The following PRDM5 variants were observed in gnomAD, a reference collection of about 807,000 sequenced individuals.
The protein encoded by PRDM5 is PR/SET domain 5.
A neutral mutation model predicts 81.2 loss-of-function variants in PRDM5; 56 were observed. The ratio of observed to expected loss-of-function variants is 0.69; its 90% confidence interval spans 0.56 to 0.86. The LOEUF is 0.86. Among genes scored for constraint, PRDM5 ranks in the 40% least tolerant of loss-of-function variants. PRDM5 has a pLI of 0.00. For missense variants in PRDM5, 697 were observed against 770.1 expected (o/e 0.91, Z 1.12); for synonymous variants, 267 against 256.4 (o/e 1.04, Z -0.39).
At chr4:120,838,183 T>C (rs343176) in intron 3 of PRDM5, 118,327 of 152,178 alleles carry the variant, frequency 0.78, 46,221 homozygotes, top group East Asian at 0.87. Context: ...CTGTACCTTC[T>C]TCATGCAGTA....
intron 1 of PRDM5, among the ~76,000 whole-genome samples, chr4:120,908,210 G>A (rs890106806): frequency 5.3e-5 from 8 of 152,254 alleles, no homozygotes; most frequent in African/African-American, 1.4e-4. Flanking sequence ...CTACCCTGAC[G>A]GGACTTTTAA....
intron 1 of PRDM5, among the ~76,000 whole-genome samples, chr4:120,911,238 T>C (rs1229632317): frequency 5.3e-5 from 8 of 152,206 alleles, no homozygotes; most frequent in East Asian, 1.9e-4. Flanking sequence ...TTGCCAGATA[T>C]ATACATGATT....
chr4:120,769,450 G>C (rs6842174), intron 13 of PRDM5, among the ~76,000 whole-genome samples: 95,703 of 151,912 alleles, frequency 0.63, 30,735 homozygotes, highest in East Asian at 0.73. Flanking sequence ...GGAGAAAAGC[G>C]AAAGAAGGCC....
rs1252635435 is a variant in PRDM5, at chr4:120,697,957, AT to A, written c.1729-2683del. Among the ~76,000 whole-genome samples, 19 of 64,214 alleles carry A rather than the reference AT, an allele frequency of 3.0e-4. No individual in the cohort carries two copies. In the East Asian group the frequency reaches 4.1e-3, roughly 14 times the overall value. 42.1% of individuals were successfully genotyped at this position (64,214 alleles called of 152,430 possible). Reference sequence around the variant, plus strand: ...CTGTATTAATAAGTATACAAATAAAATAAAATAAAAAAAAAGAAAATGTCAA... The same window carrying A: ...CTGTATTAATAAGTATACAAATAAAAAAAATAAAAAAAAAGAAAATGTCAA... On this transcript the variant is annotated intron_variant, in intron 15 of 15. Transcript: ENST00000264808.
rs185354490 is a variant in PRDM5 at position 120,776,226 on chromosome 4, A to G, written c.1537+962T>C. Among the ~76,000 whole-genome samples the G allele has an allele frequency of 3.1e-3, 479 of 152,162 alleles. 2 individuals carry two copies. The highest frequency in any genetic ancestry group is 0.011 in the African/African-American group (456 of 41,554). On this transcript the variant is annotated intron_variant, in intron 13 of 15. Coordinates refer to ENST00000264808, the MANE Select transcript of PRDM5 (RefSeq NM_018699.4). ...AAAGTATTTAAGTACCTATTCTAAGATAACAAATACTAAGCTGACCATATG... is the reference window on the plus strand; with the variant it reads ...AAAGTATTTAAGTACCTATTCTAAGGTAACAAATACTAAGCTGACCATATG...
rs994097258 is a variant in PRDM5 at position 120,691,928 on chromosome 4, T to C, written c.*3183A>G. The stretch of plus-strand genomic sequence containing the variant: ...TAACACCAAGTCTGGTAGTGATTTA[T>C]ATATATTTATTATAGATTTATAATA... On this transcript the variant is annotated 3_prime_UTR_variant, in exon 16 of 16. Transcript: ENST00000264808. The C allele has an allele frequency of 2.6e-5, 4 of 151,936 alleles. No individual in the cohort carries two copies. Among genetic ancestry groups the C allele is most frequent in the African/African-American group, 4.8e-5 (2 of 41,436 alleles). The allele number at this position is 151,936 out of a possible 1,614,324, so 9.4% of individuals were successfully genotyped here.
At chr4:120,805,061 T>C (rs1036307471) in intron 8 of PRDM5, among the ~76,000 whole-genome samples, 1 of 152,120 alleles carries the variant, frequency 6.6e-6, no homozygotes, top group Non-Finnish European at 1.5e-5. Context: ...CATCAGATAA[T>C]ACTATCAACG....
intron 8 of PRDM5, among the ~76,000 whole-genome samples, chr4:120,802,796 G>T (rs1409893424): frequency 6.6e-6 from 1 of 152,194 alleles, no homozygotes; most frequent in Admixed American, 6.5e-5. Flanking sequence ...AAAAATCAGA[G>T]CGCTTCTCCC....
chr4:120,742,272 C>G (rs559806056), intron 14 of PRDM5, among the ~76,000 whole-genome samples: 1 of 152,292 alleles, frequency 6.6e-6, no homozygotes, highest in Admixed American at 6.5e-5. Flanking sequence ...ACCAAAAACC[C>G]ATCTGTACAT....
At chr4:120,914,659 A>G (rs1723896727) in intron 1 of PRDM5, among the ~76,000 whole-genome samples, 1 of 152,174 alleles carries the variant, frequency 6.6e-6, no homozygotes, top group African/African-American at 2.4e-5. Flanking sequence ...CAAGCAGAGG[A>G]AATGCTTTGT....
intron 10 of PRDM5, among the ~76,000 whole-genome samples, chr4:120,796,211 G>A (rs1039620337): frequency 6.6e-6 from 1 of 152,102 alleles, no homozygotes; most frequent in African/African-American, 2.4e-5. Flanking sequence ...AGAAAAGGTT[G>A]ATCTTCTGTT....
At chr4:120,911,127 A>G (rs532800219) in intron 1 of PRDM5, among the ~76,000 whole-genome samples, 6 of 152,320 alleles carry the variant, frequency 3.9e-5, no homozygotes, top group East Asian at 1.9e-4. Flanking sequence ...CATGTAAATG[A>G]TATTTTAGAG....
intron 1 of PRDM5, among the ~76,000 whole-genome samples, chr4:120,912,651 G>C (rs1766650178): frequency 6.6e-6 from 1 of 152,156 alleles, no homozygotes; most frequent in African/African-American, 2.4e-5. Flanking sequence ...GAAGACATTA[G>C]GAAATTACTG....
intron 2 of PRDM5, among the ~76,000 whole-genome samples, chr4:120,872,486 G>A (rs1033966926): frequency 3.3e-5 from 5 of 152,092 alleles, no homozygotes; most frequent in African/African-American, 9.7e-5. Context: ...ACTTATATGA[G>A]GCATCTAAAG....
intron 1 of PRDM5, among the ~76,000 whole-genome samples, chr4:120,913,189 T>C (rs1766717887): frequency 6.6e-6 from 1 of 152,234 alleles, no homozygotes; most frequent in Non-Finnish European, 1.5e-5. Context: ...TGTATGGAAC[T>C]ATCACACAAG....
At chr4:120,839,396 T>C in intron 3 of PRDM5, 1 of 668,728 alleles carries the variant, frequency 1.5e-6, no homozygotes, top group Non-Finnish European at 2.7e-6. Context: ...AGGCAGGGTA[T>C]ACCAATGAGC....
intron 2 of PRDM5, among the ~76,000 whole-genome samples, chr4:120,872,107 C>T (rs560481665): frequency 5.0e-5 from 7 of 140,590 alleles, no homozygotes; most frequent in South Asian, 4.6e-4. Flanking sequence ...GCTGAGATCA[C>T]GCCACTGCAT....
intron 11 of PRDM5, 29 bp downstream of exon 11, chr4:120,784,969 T>C: frequency 1.3e-6 from 2 of 1,515,998 alleles, no homozygotes; most frequent in South Asian, 2.2e-5. Context: ...TAATTCCTTA[T>C]ATTCTCAACT....
intron 2 of PRDM5, among the ~76,000 whole-genome samples, chr4:120,857,061 TA>T (rs2148482656): frequency 6.6e-6 from 1 of 152,226 alleles, no homozygotes; most frequent in East Asian, 1.9e-4. Flanking sequence ...AAAGGTTAGC[TA>T]AAGTAGGAAA....
Sources: allele counts gnomAD v4.1 joint callset (sites outside exome capture counted in the v4.1 genomes callset), GRCh38; gene constraint gnomAD v4.1.1; transcripts MANE v1.5; gene names NCBI Gene and HGNC (gene_info 2026-07-23, HGNC 2026-07-21).